The following MAGI2 variants were observed in gnomAD, a reference collection of about 807,000 sequenced individuals.
MAGI2 encodes the protein membrane-associated guanylate kinase, WW and PDZ domain-containing protein 2.
In MAGI2, 35 loss-of-function variants were observed where a neutral mutation model predicts 133.3. The ratio of observed to expected loss-of-function variants is 0.26; its 90% CI spans 0.20 to 0.35. The LOEUF (loss-of-function observed/expected upper bound fraction) is 0.35. Among genes scored for constraint, MAGI2 ranks in the 10% least tolerant of loss-of-function variants. The pLI, the probability that MAGI2 is intolerant of heterozygous loss-of-function variation, is 1.00. For synonymous variants in MAGI2, 729 were observed against 710.6 expected (o/e 1.03, Z -0.41); for missense variants, 1,636 against 1,863.4 (o/e 0.88, Z 2.25).
chr7:78,740,142 C>T (rs1822268616), intron 2 of MAGI2, among the ~76,000 whole-genome samples: 1 of 150,640 alleles, frequency 6.6e-6, no homozygotes, highest in East Asian at 1.9e-4. Flanking sequence ...GCCTGGGTGA[C>T]AGAGCCAGAC....
intron 1 of MAGI2, among the ~76,000 whole-genome samples, chr7:79,375,574 G>A (rs1364958178): frequency 7.1e-6 from 1 of 141,126 alleles, no homozygotes; most frequent in Non-Finnish European, 1.5e-5. Context: ...AACAGTATAA[G>A]TTTACACACA....
chr7:78,091,000 C>T (rs1817139017), intron 20 of MAGI2, among the ~76,000 whole-genome samples: 1 of 151,896 alleles, frequency 6.6e-6, no homozygotes, highest in Non-Finnish European at 1.5e-5. Context: ...TATATTTCCA[C>T]AATATCTTTT....
intron 10 of MAGI2, among the ~76,000 whole-genome samples, chr7:78,226,181 A>G (rs901758085): frequency 6.6e-6 from 1 of 152,156 alleles, no homozygotes; most frequent in African/African-American, 2.4e-5. Context: ...CACTGGTGAC[A>G]GGTTTCTGGA....
intron 3 of MAGI2, among the ~76,000 whole-genome samples, chr7:78,592,801 C>CA (rs1365718795): frequency 6.7e-6 from 1 of 148,922 alleles, no homozygotes; most frequent in Non-Finnish European, 1.5e-5. Flanking sequence ...AAAGCCCTTG[C>CA]ATGCCCTCCG....
At chr7:79,171,095 T>C (rs1471802953) in intron 1 of MAGI2, among the ~76,000 whole-genome samples, 1 of 152,086 alleles carries the variant, frequency 6.6e-6, no homozygotes, top group Non-Finnish European at 1.5e-5. Flanking sequence ...AGGGCTGCCA[T>C]TACAAAGTAC....
At chr7:79,429,747 G>T (rs1847647639) in intron 1 of MAGI2, among the ~76,000 whole-genome samples, 1 of 152,060 alleles carries the variant, frequency 6.6e-6, no homozygotes, top group African/African-American at 2.4e-5. Context: ...TTTGCATAAG[G>T]TTATTCAAGA....
At chr7:78,744,088 A>T (rs558556424) in intron 2 of MAGI2, among the ~76,000 whole-genome samples, 5 of 152,292 alleles carry the variant, frequency 3.3e-5, no homozygotes, top group African/African-American at 1.2e-4. Flanking sequence ...TTGTCTTTTA[A>T]ATCACCATAC....
intron 9 of MAGI2, among the ~76,000 whole-genome samples, chr7:78,317,315 C>T (rs1051083845): frequency 6.6e-6 from 1 of 152,112 alleles, no homozygotes; most frequent in African/African-American, 2.4e-5. Flanking sequence ...TATATCCCAC[C>T]AATCAAGAAC....
At chr7:78,397,984 G>C (rs552502020) in intron 6 of MAGI2, among the ~76,000 whole-genome samples, 40 of 152,130 alleles carry the variant, frequency 2.6e-4, no homozygotes, top group African/African-American at 8.9e-4. Context: ...ATTAAACACT[G>C]TCTATAAAAT....
At chr7:79,290,397 A>AT (rs1399105274) in intron 1 of MAGI2, among the ~76,000 whole-genome samples, 1 of 90,824 alleles carries the variant, frequency 1.1e-5, no homozygotes, top group Non-Finnish European at 3.0e-5. Context: ...TTTAATTTTA[A>AT]ATTTTTTTGA....
At chr7:78,392,883 T>C in intron 6 of MAGI2, among the ~76,000 whole-genome samples, 1 of 152,170 alleles carries the variant, frequency 6.6e-6, no homozygotes, top group African/African-American at 2.4e-5. Context: ...CCTCAGGTGA[T>C]TCGCCAACCT....
At chr7:78,328,533 CTCTCT>C (rs1327938529) in intron 9 of MAGI2, among the ~76,000 whole-genome samples, 4 of 12,204 alleles carry the variant, frequency 3.3e-4, no homozygotes, top group Non-Finnish European at 5.1e-4. Flanking sequence ...ACACACACCC[CTCTCT>C]CTCTCTCTCT....
intron 6 of MAGI2, among the ~76,000 whole-genome samples, chr7:78,450,381 T>A (rs756401250): frequency 3.9e-5 from 6 of 152,074 alleles, no homozygotes; most frequent in African/African-American, 1.4e-4. Flanking sequence ...GTTAGAAATA[T>A]AAAAGATGGG....
At chr7:78,083,387 GGAGAGAGA>G (rs747230358) in intron 20 of MAGI2, among the ~76,000 whole-genome samples, 1,713 of 33,274 alleles carry the variant, frequency 0.051, 80 homozygotes, top group African/African-American at 0.19. Context: ...AGGGAGGGGG[GGAGAGAGA>G]GAGAGAGAGA....
At chr7:79,101,592 C>T (rs990455700) in intron 1 of MAGI2, among the ~76,000 whole-genome samples, 4 of 151,688 alleles carry the variant, frequency 2.6e-5, no homozygotes, top group East Asian at 1.9e-4. Context: ...GGCGTGGTGG[C>T]GGGCGCCCGT....
chr7:78,175,087 C>T (rs1027001278), intron 14 of MAGI2, among the ~76,000 whole-genome samples: 4 of 152,190 alleles, frequency 2.6e-5, no homozygotes, highest in African/African-American at 9.7e-5. Flanking sequence ...ATCATAAGTA[C>T]AGCACTTTCT....
At chr7:79,247,930 G>A (rs1454081952) in intron 1 of MAGI2, among the ~76,000 whole-genome samples, 8 of 151,606 alleles carry the variant, frequency 5.3e-5, no homozygotes, top group Non-Finnish European at 7.4e-5. Flanking sequence ...TCCATTTAAC[G>A]GAAGTCAGGA....
At chr7:78,531,723 C>T (rs571611658) in intron 3 of MAGI2, among the ~76,000 whole-genome samples, 1 of 152,330 alleles carries the variant, frequency 6.6e-6, no homozygotes, top group East Asian at 1.9e-4. Context: ...ACATTACTTT[C>T]TCACACAACA....
At chr7:78,314,771 TTTGA>T (rs771662037) in intron 9 of MAGI2, among the ~76,000 whole-genome samples, 1 of 152,184 alleles carries the variant, frequency 6.6e-6, no homozygotes, top group Admixed American at 6.5e-5. Flanking sequence ...TTGTTATGCT[TTTGA>T]TTGTGTTGTT....
Sources: gnomAD v4.1 joint callset for allele counts (sites outside exome capture counted in the v4.1 genomes callset) on GRCh38, gnomAD v4.1.1 for gene constraint, MANE v1.5 for transcripts, NCBI Gene and HGNC (gene_info 2026-07-23, HGNC 2026-07-21) for gene names.